ZNF423: variants seen among roughly 807,000 people sequenced by gnomAD.
ZNF423 encodes zinc finger protein 423.
A neutral mutation model predicts 95.8 loss-of-function variants in ZNF423; 12 were observed. The ratio of observed to expected loss-of-function variants is 0.13; its 90% CI spans 0.08 to 0.20. The LOEUF is 0.20. ZNF423 is among the 10% of genes least tolerant of loss of function. The pLI is 1.00. For missense variants in ZNF423, 1,316 were observed against 1,737.1 expected (o/e 0.76, Z 4.31); for synonymous variants, 749 against 711.9 (o/e 1.05, Z -0.83).
chr16:49,785,584 T>C (rs370919866), intron 2 of ZNF423, among the ~76,000 whole-genome samples: 6 of 152,360 alleles, frequency 3.9e-5, no homozygotes, highest in African/African-American at 1.2e-4. Flanking sequence ...CTTATGAAAA[T>C]CCAGCTTTCT....
intron 3 of ZNF423, among the ~76,000 whole-genome samples, chr16:49,699,352 C>T (rs868537300): frequency 8.5e-5 from 13 of 152,248 alleles, no homozygotes; most frequent in Admixed American, 1.3e-4. Context: ...CCAAAAATAG[C>T]CCTTTGGAAA....
chr16:49,566,068 A>C (rs1970177528), intron 5 of ZNF423, among the ~76,000 whole-genome samples: 1 of 152,058 alleles, frequency 6.6e-6, no homozygotes, highest in African/African-American at 2.4e-5. Flanking sequence ...CAGTGGTAGG[A>C]GGCCTGGTCT....
At chr16:49,806,211 CG>C (rs2034660933) in intron 1 of ZNF423, among the ~76,000 whole-genome samples, 1 of 152,194 alleles carries the variant, frequency 6.6e-6, no homozygotes, top group Admixed American at 6.5e-5. Context: ...GGTGGTGGAG[CG>C]GGGGGCACCC....
At chr16:49,597,368 T>C (rs1971215665) in intron 5 of ZNF423, among the ~76,000 whole-genome samples, 1 of 152,114 alleles carries the variant, frequency 6.6e-6, no homozygotes, top group Admixed American at 6.5e-5. Context: ...GTGCTGTCAG[T>C]CCAAAATACA....
chr16:49,611,867 A>G (rs941667015), intron 5 of ZNF423, among the ~76,000 whole-genome samples: 1 of 152,108 alleles, frequency 6.6e-6, no homozygotes, highest in Admixed American at 6.5e-5. Flanking sequence ...AAAACTCTAC[A>G]TACATAAATT....
At chr16:49,686,197 G>A (rs556893643) in intron 3 of ZNF423, among the ~76,000 whole-genome samples, 1 of 152,162 alleles carries the variant, frequency 6.6e-6, no homozygotes. Context: ...TGTATGCCCA[G>A]CACTCAGCAC....
intron 5 of ZNF423, among the ~76,000 whole-genome samples, chr16:49,546,076 G>T (rs1969428202): frequency 6.6e-6 from 1 of 152,050 alleles, no homozygotes; most frequent in African/African-American, 2.4e-5. Flanking sequence ...CAGGTGTTGG[G>T]AACATAAGCA....
intron 2 of ZNF423, among the ~76,000 whole-genome samples, chr16:49,733,324 C>T (rs1186011271): frequency 6.6e-6 from 1 of 152,228 alleles, no homozygotes; most frequent in African/African-American, 2.4e-5. Flanking sequence ...ACTTGTGCTA[C>T]TTTACTTAAC....
At chr16:49,721,892 G>A (rs950819430) in intron 3 of ZNF423, among the ~76,000 whole-genome samples, 2 of 152,090 alleles carry the variant, frequency 1.3e-5, no homozygotes, top group African/African-American at 4.8e-5. Flanking sequence ...CTTGACCCCT[G>A]CCTTCTATAT....
intron 7 of ZNF423, among the ~76,000 whole-genome samples, chr16:49,516,523 G>A (rs148162161): frequency 3.9e-4 from 60 of 152,300 alleles, no homozygotes; most frequent in African/African-American, 1.3e-3. Context: ...TGAGGCTTAC[G>A]GCTGGTGCAT....
intron 2 of ZNF423, among the ~76,000 whole-genome samples, chr16:49,749,096 ACCT>A (rs1490002290): frequency 6.6e-6 from 1 of 152,016 alleles, no homozygotes; most frequent in Non-Finnish European, 1.5e-5. Flanking sequence ...TAGGAGAGTA[ACCT>A]CCTCTCAAGC....
chr16:49,696,443 G>A (rs1171149778), intron 3 of ZNF423, among the ~76,000 whole-genome samples: 1 of 152,138 alleles, frequency 6.6e-6, no homozygotes, highest in Non-Finnish European at 1.5e-5. Flanking sequence ...CTCATACCAG[G>A]GGCTCCCCAT....
At chr16:49,679,221 C>T (rs926789588) in intron 3 of ZNF423, among the ~76,000 whole-genome samples, 2 of 152,224 alleles carry the variant, frequency 1.3e-5, no homozygotes, top group Non-Finnish European at 2.9e-5. Flanking sequence ...CTGGAGCGAC[C>T]GCTGCAAAGA....
chr16:49,509,400 A>G (rs991811132), intron 7 of ZNF423, among the ~76,000 whole-genome samples: 4 of 152,196 alleles, frequency 2.6e-5, no homozygotes, highest in African/African-American at 9.7e-5. Context: ...TCAGAAGCAG[A>G]ATGAGTGGAG....
rs185974755 is a variant in ZNF423, at chr16:49,612,200, A to G, written c.3601+13970T>C. ...CAGGACAAGAATAAAACTTCAGACC[A>G]ATATCCCTCATAAACACAGATACAA... On this transcript the variant is annotated intron_variant, in intron 5 of 7. Coordinates refer to ENST00000563137, the MANE Select transcript of ZNF423 (RefSeq NM_001379286.1). 5.6e-3 allele frequency among the ~76,000 whole-genome samples: 846 copies of G among 152,210 alleles called. 5 individuals are homozygous for G. The highest frequency in any genetic ancestry group is 0.02 in the African/African-American group (817 of 41,570).
In ZNF423 at chr16:49,491,311, A is replaced by C. The variant is rs1326701397; in HGVS notation, c.3850-7T>G. 1 of 1,613,874 alleles carries C rather than the reference A, an allele frequency of 6.2e-7. No homozygotes were observed. The highest frequency in any genetic ancestry group is 8.5e-7 in the Non-Finnish European group (1 of 1,180,040). On this transcript the variant is annotated splice_region_variant and splice_polypyrimidine_tract_variant and intron_variant, in intron 7 of 7. Coordinates refer to ENST00000563137, the MANE Select transcript of ZNF423 (RefSeq NM_001379286.1). The stretch of plus-strand genomic sequence containing the variant: ...GCTGGCTCATCGTGTGGTTCTGCAA[A>C]GGCGAAGAAAGGAGACACACATGAA...
intron 2 of ZNF423, among the ~76,000 whole-genome samples, chr16:49,746,764 G>A (rs1234699363): frequency 3.3e-5 from 5 of 152,214 alleles, no homozygotes; most frequent in Admixed American, 6.5e-5. Flanking sequence ...GAACCACCAC[G>A]CCCAGCCAAG....
At chr16:49,695,692 G>C (rs1183450005) in intron 3 of ZNF423, among the ~76,000 whole-genome samples, 1 of 152,382 alleles carries the variant, frequency 6.6e-6, no homozygotes, top group East Asian at 1.9e-4. Flanking sequence ...CTCCCAAAGT[G>C]CCAGGATTAC....
At chr16:49,675,076 C>A (rs2030989542) in intron 3 of ZNF423, among the ~76,000 whole-genome samples, 1 of 152,212 alleles carries the variant, frequency 6.6e-6, no homozygotes, top group Admixed American at 6.5e-5. Context: ...GATGCTATTT[C>A]TTCATGCAAC....
Sources: allele counts gnomAD v4.1 joint callset (sites outside exome capture counted in the v4.1 genomes callset), GRCh38; gene constraint gnomAD v4.1.1; transcripts MANE v1.5; gene names NCBI Gene and HGNC (gene_info 2026-07-23, HGNC 2026-07-21).